Variants in RALYL observed in about 807,000 individuals in gnomAD.
The protein encoded by RALYL is RNA-binding Raly-like protein.
In RALYL, 29 loss-of-function variants were observed where a neutral mutation model predicts 35.1. That is an observed-to-expected ratio of 0.83 (90% CI 0.61 to 1.13). RALYL has a LOEUF of 1.13. Among genes scored for constraint, RALYL ranks in the 50% most tolerant of loss-of-function variants. RALYL has a pLI of 0.00. For synonymous variants in RALYL, 120 were observed against 127.6 expected, an observed-to-expected ratio of 0.94 and a Z score of 0.40; for missense variants, 359 against 360.4, an observed-to-expected ratio of 1.00 and a Z score of 0.03.
At chr8:84,821,769 C>A (rs1339956652) in intron 4 of RALYL, among the ~76,000 whole-genome samples, 1 of 152,086 alleles carries the variant, frequency 6.6e-6, no homozygotes, top group Non-Finnish European at 1.5e-5. Flanking sequence ...TCAATAGCTG[C>A]CAACTATTAG....
intron 1 of RALYL, among the ~76,000 whole-genome samples, chr8:84,520,395 A>G (rs1370741861): frequency 6.6e-6 from 1 of 152,190 alleles, no homozygotes; most frequent in East Asian, 1.9e-4. Context: ...CTTGAAATGA[A>G]TACTTCTTAG....
intron 1 of RALYL, among the ~76,000 whole-genome samples, chr8:84,352,076 T>C (rs1443970408): frequency 6.6e-6 from 1 of 150,470 alleles, no homozygotes; most frequent in Admixed American, 6.6e-5. Context: ...TAAAGCAAGT[T>C]AAATTTGGAG....
chr8:84,911,229 C>G (rs967485483), intron 8 of RALYL, among the ~76,000 whole-genome samples: 1 of 152,000 alleles, frequency 6.6e-6, no homozygotes, highest in Admixed American at 6.6e-5. Context: ...GTTCAACTAG[C>G]AACTATCCAT....
chr8:84,619,953 T>G (rs1426701705), intron 2 of RALYL, among the ~76,000 whole-genome samples: 2 of 151,932 alleles, frequency 1.3e-5, no homozygotes, highest in Non-Finnish European at 2.9e-5. Flanking sequence ...GGGTTTCTGC[T>G]GAGAGATCCG....
intron 1 of RALYL, among the ~76,000 whole-genome samples, chr8:84,248,772 C>A (rs1829625965): frequency 6.6e-6 from 1 of 152,026 alleles, no homozygotes; most frequent in Non-Finnish European, 1.5e-5. Flanking sequence ...TATTTATATG[C>A]TTCCAAAATG....
chr8:84,281,131 T>G (rs1443138131), intron 1 of RALYL, among the ~76,000 whole-genome samples: 3 of 152,156 alleles, frequency 2.0e-5, no homozygotes, highest in East Asian at 3.9e-4. Flanking sequence ...GCTTGACTCC[T>G]AGCTTGCTTT....
chr8:84,731,300 C>A (rs1483313172), intron 2 of RALYL, among the ~76,000 whole-genome samples: 1 of 152,080 alleles, frequency 6.6e-6, no homozygotes, highest in Non-Finnish European at 1.5e-5. Flanking sequence ...CTGTCTGTAA[C>A]TGTGAGATCA....
chr8:84,375,897 TA>T (rs1712413722), intron 1 of RALYL, among the ~76,000 whole-genome samples: 1 of 151,884 alleles, frequency 6.6e-6, no homozygotes. Flanking sequence ...ACTGCCATTG[TA>T]AAAATCTCCA....
intron 2 of RALYL, among the ~76,000 whole-genome samples, chr8:84,607,340 C>T (rs1266799630): frequency 1.3e-5 from 2 of 151,982 alleles, no homozygotes; most frequent in Non-Finnish European, 2.9e-5. Flanking sequence ...GGATAATTTA[C>T]AAAGGCAATT....
At chr8:84,702,302 C>T (rs936690782) in intron 2 of RALYL, among the ~76,000 whole-genome samples, 2 of 152,128 alleles carry the variant, frequency 1.3e-5, no homozygotes, top group Non-Finnish European at 2.9e-5. Context: ...AGAAGCTACC[C>T]AGTGCATTGC....
At chr8:84,711,965 C>T (rs531520571) in intron 2 of RALYL, among the ~76,000 whole-genome samples, 35 of 151,960 alleles carry the variant, frequency 2.3e-4, no homozygotes, top group African/African-American at 5.5e-4. Flanking sequence ...TGTTACCTAA[C>T]GAGTTGAAAA....
intron 3 of RALYL, among the ~76,000 whole-genome samples, chr8:84,780,109 A>G (rs1161897435): frequency 6.6e-6 from 1 of 151,998 alleles, no homozygotes; most frequent in Non-Finnish European, 1.5e-5. Context: ...TAATATTTCC[A>G]TTATCATTAT....
intron 2 of RALYL, among the ~76,000 whole-genome samples, chr8:84,582,868 T>C (rs1340958755): frequency 6.8e-6 from 1 of 146,232 alleles, no homozygotes; most frequent in African/African-American, 2.5e-5. Context: ...TAGATTTATG[T>C]CTCATCATAA....
chr8:84,437,127 G>T (rs2047824455), intron 1 of RALYL, among the ~76,000 whole-genome samples: 1 of 152,010 alleles, frequency 6.6e-6, no homozygotes. Context: ...TGTTGTATTT[G>T]GTTTTCTGTT....
At chr8:84,437,863 A>G (rs1468757916) in intron 1 of RALYL, among the ~76,000 whole-genome samples, 1 of 152,092 alleles carries the variant, frequency 6.6e-6, no homozygotes, top group Non-Finnish European at 1.5e-5. Flanking sequence ...CCATGATTGT[A>G]AGTTTCCAGA....
intron 1 of RALYL, among the ~76,000 whole-genome samples, chr8:84,454,277 AAAAAT>A (rs1371557065): frequency 1.3e-5 from 2 of 152,016 alleles, no homozygotes; most frequent in African/African-American, 4.8e-5. Flanking sequence ...CATCAGGTAG[AAAAAT>A]ACTTAGATTT....
rs777713464 is a variant in RALYL at position 84,185,047 on chromosome 8, A to G, written c.-24+623A>G. On this transcript the variant is annotated intron_variant, in intron 1 of 8. Transcript: ENST00000521268. ...CTACCCAGCCTATTTTGCTTTACCA[A>G]AGGGCTTTGCTTTCTTAGGGATGCT... The G allele has an allele frequency of 9.9e-6, 16 of 1,611,876 alleles. No homozygotes were observed. In the Admixed American group the frequency reaches 1.8e-4, roughly 18 times the overall value.
At chr8:84,649,638 A>G (rs1182072736) in intron 2 of RALYL, among the ~76,000 whole-genome samples, 1 of 151,906 alleles carries the variant, frequency 6.6e-6, no homozygotes, top group Non-Finnish European at 1.5e-5. Context: ...CCATTGATCT[A>G]TATCTCTGTT....
chr8:84,415,747 A>G (rs1008980836), intron 1 of RALYL, among the ~76,000 whole-genome samples: 32 of 151,812 alleles, frequency 2.1e-4, no homozygotes, highest in Middle Eastern at 3.4e-3. Flanking sequence ...TGCCGTTACA[A>G]TAGTACTTAA....
Sources: allele counts gnomAD v4.1 joint callset (sites outside exome capture counted in the v4.1 genomes callset), GRCh38; gene constraint gnomAD v4.1.1; transcripts MANE v1.5; gene names NCBI Gene and HGNC (gene_info 2026-07-23, HGNC 2026-07-21).